DMD: variants seen among roughly 807,000 people sequenced by gnomAD.
DMD encodes dystrophin.
Under a neutral mutation model 330.1 loss-of-function variants are expected in DMD, and 63 were observed. That is an observed-to-expected ratio of 0.19 (90% CI 0.16 to 0.24). The LOEUF (loss-of-function observed/expected upper bound fraction) is 0.24. Among genes scored for constraint, DMD ranks in the 10% least tolerant of loss-of-function variants. The pLI is 1.00. For synonymous variants in DMD, 1,223 were observed against 959.8 expected, an observed-to-expected ratio of 1.27 and a Z score of -5.07; for missense variants, 3,344 against 2,684.1, an observed-to-expected ratio of 1.25 and a Z score of -5.43.
chrX:31,288,161 C>T (rs184450369), intron 62 of DMD, among the ~76,000 whole-genome samples: 1 of 110,910 alleles, frequency 9.0e-6, no homozygotes, highest in African/African-American at 3.3e-5. Context: ...AAAGTGGGGG[C>T]GGGAGAGGAG....
chrX:31,419,403 G>A (rs184704710), intron 60 of DMD, among the ~76,000 whole-genome samples: 1 of 110,062 alleles, frequency 9.1e-6, no homozygotes, highest in Non-Finnish European at 1.9e-5. Context: ...TTCTCCACAC[G>A]TATACATTCA....
chrX:31,554,907 A>T (rs907526788), intron 55 of DMD, among the ~76,000 whole-genome samples: 1 of 112,004 alleles, frequency 8.9e-6, no homozygotes, highest in Non-Finnish European at 1.9e-5. Context: ...CCGGTTTGGG[A>T]TGTTCAGGAA....
chrX:32,501,898 A>G, intron 18 of DMD, 56 bp from the exon 19 acceptor site: 2 of 917,586 alleles, frequency 2.2e-6, no homozygotes, highest in Middle Eastern at 5.3e-4. Flanking sequence ...AATCTACACA[A>G]TAATTATAAC....
intron 9 of DMD, among the ~76,000 whole-genome samples, chrX:32,679,972 T>TGGCGC (rs1346881078): frequency 1.6e-4 from 14 of 88,404 alleles, no homozygotes; most frequent in African/African-American, 5.6e-4. Context: ...TGGAGTGCAG[T>TGGCGC]GGCGCGATCT....
chrX:31,898,906 G>A (rs565135508), intron 47 of DMD, among the ~76,000 whole-genome samples: 7 of 111,716 alleles, frequency 6.3e-5, no homozygotes, highest in African/African-American at 1.9e-4. Context: ...CTTTGAATAA[G>A]TTCAGTGAAG....
At chrX:32,973,119 CA>C (rs2092440378) in intron 2 of DMD, among the ~76,000 whole-genome samples, 1 of 112,009 alleles carries the variant, frequency 8.9e-6, no homozygotes, top group Admixed American at 9.5e-5. Context: ...ATATTTCTGT[CA>C]AATTCTTCCA....
At chrX:31,909,633 G>A (rs986480600) in intron 47 of DMD, among the ~76,000 whole-genome samples, 8 of 110,924 alleles carry the variant, frequency 7.2e-5, no homozygotes, top group Admixed American at 9.6e-5. Flanking sequence ...ACCAATAGAC[G>A]CATTAAGTCA....
At chrX:33,258,251 A>T (rs2052891319) in intron 1 of DMD, among the ~76,000 whole-genome samples, 1 of 111,298 alleles carries the variant, frequency 9.0e-6, no homozygotes, top group Admixed American at 9.6e-5. Flanking sequence ...TCATCCTGTC[A>T]ACTCACTTTA....
chrX:33,233,735 CGTG>C (rs2052428587), intron 1 of DMD, among the ~76,000 whole-genome samples: 2 of 111,153 alleles, frequency 1.8e-5, no homozygotes, highest in Admixed American at 1.9e-4. Flanking sequence ...TTTTGACTGT[CGTG>C]GTGGACGCAC....
chrX:33,027,675 G>A (rs1288304334), intron 1 of DMD, among the ~76,000 whole-genome samples: 1 of 111,104 alleles, frequency 9.0e-6, no homozygotes, highest in African/African-American at 3.3e-5. Flanking sequence ...AAAAGGGTAT[G>A]TTGATACAAA....
intron 7 of DMD, among the ~76,000 whole-genome samples, chrX:32,787,707 A>T (rs5927099): frequency 2.2e-5 from 2 of 91,026 alleles, no homozygotes; most frequent in Non-Finnish European, 4.3e-5. Flanking sequence ...CACCCTCCCC[A>T]CCATCATCTA....
chrX:32,410,312 T>C (rs1160773312), intron 30 of DMD, among the ~76,000 whole-genome samples: 2 of 111,600 alleles, frequency 1.8e-5, no homozygotes, highest in Non-Finnish European at 3.8e-5. Flanking sequence ...ACTATTGCAA[T>C]TGTATGCACT....
intron 43 of DMD, among the ~76,000 whole-genome samples, chrX:32,280,401 T>A (rs1208600764): frequency 9.1e-6 from 1 of 109,893 alleles, no homozygotes; most frequent in Non-Finnish European, 1.9e-5. Context: ...CAGGACTTGC[T>A]TGTTTTTTAC....
chrX:31,656,557 A>G (rs1393199552), intron 54 of DMD, among the ~76,000 whole-genome samples: 2 of 111,809 alleles, frequency 1.8e-5, no homozygotes, highest in Admixed American at 9.5e-5. Flanking sequence ...TGCTTTCCCC[A>G]AAAGACTTCT....
chrX:32,865,122 T>TCC (rs1323877748), intron 2 of DMD, among the ~76,000 whole-genome samples: 1 of 111,848 alleles, frequency 8.9e-6, no homozygotes, highest in Non-Finnish European at 1.9e-5. Context: ...TGGCTTATTT[T>TCC]CCTTATGTGT....
intron 11 of DMD, among the ~76,000 whole-genome samples, chrX:32,629,854 T>A (rs1158619046): frequency 1.8e-5 from 2 of 111,117 alleles, no homozygotes; most frequent in African/African-American, 6.5e-5. Context: ...TTTTGTTGTT[T>A]CTATTTATAT....
At chrX:32,328,817 C>T (rs1279042757) in intron 41 of DMD, among the ~76,000 whole-genome samples, 4 of 111,296 alleles carry the variant, frequency 3.6e-5, no homozygotes, top group African/African-American at 1.3e-4. Context: ...ACTGTTGAAA[C>T]CCATAATTTT....
At chrX:32,868,027 G>A (rs887289933) in intron 2 of DMD, among the ~76,000 whole-genome samples, 3 of 110,117 alleles carry the variant, frequency 2.7e-5, no homozygotes, top group Non-Finnish European at 3.8e-5. Context: ...AGCAACAGAG[G>A]TGTCCAGGTT....
chrX:32,742,582 A>G (rs914470298), intron 7 of DMD, among the ~76,000 whole-genome samples: 1 of 112,018 alleles, frequency 8.9e-6, no homozygotes, highest in African/African-American at 3.2e-5. Context: ...CACCCAAGCT[A>G]AAGCTCATCT....
Sources: gnomAD v4.1 joint callset for allele counts (sites outside exome capture counted in the v4.1 genomes callset) on GRCh38, gnomAD v4.1.1 for gene constraint, MANE v1.5 for transcripts, NCBI Gene and HGNC (gene_info 2026-07-23, HGNC 2026-07-21) for gene names.